MACROH2A2: variants seen among roughly 807,000 people sequenced by gnomAD.
The protein encoded by MACROH2A2 is core histone macro-H2A.2.
A neutral mutation model predicts 37.6 loss-of-function variants in MACROH2A2; 6 were observed. That is an observed-to-expected ratio of 0.16 (90% CI 0.09 to 0.32). MACROH2A2 has a LOEUF of 0.32. MACROH2A2 is among the 10% of genes least tolerant of loss of function. The pLI, the probability that MACROH2A2 is intolerant of heterozygous loss-of-function variation, is 1.00. For synonymous variants in MACROH2A2, 192 were observed against 202.7 expected (o/e 0.95, Z 0.45); for missense variants, 290 against 485.9 (o/e 0.60, Z 3.79).
intron 1 of MACROH2A2, among the ~76,000 whole-genome samples, chr10:70,056,239 G>GT (rs1036766265): frequency 2.4e-4 from 36 of 151,954 alleles, no homozygotes; most frequent in Middle Eastern, 6.8e-3. Flanking sequence ...TCTGTAATTT[G>GT]TTTTTTTTGT....
At chr10:70,068,284 A>G (rs2072090188) in intron 1 of MACROH2A2, among the ~76,000 whole-genome samples, 1 of 152,094 alleles carries the variant, frequency 6.6e-6, no homozygotes, top group Non-Finnish European at 1.5e-5. Flanking sequence ...ACTTTCTCAG[A>G]GTTCTTAATG....
At chr10:70,062,837 C>G (rs757243780) in intron 1 of MACROH2A2, among the ~76,000 whole-genome samples, 1 of 152,038 alleles carries the variant, frequency 6.6e-6, no homozygotes, top group Non-Finnish European at 1.5e-5. Context: ...TGTAAGGGTA[C>G]AAAGGCATCA....
intron 2 of MACROH2A2, among the ~76,000 whole-genome samples, chr10:70,086,206 C>G (rs1216275005): frequency 6.6e-6 from 1 of 150,942 alleles, no homozygotes; most frequent in Non-Finnish European, 1.5e-5. Flanking sequence ...AAGTCCATGT[C>G]TCAAGGATGT....
intron 2 of MACROH2A2, among the ~76,000 whole-genome samples, chr10:70,082,287 T>C (rs914080266): frequency 9.9e-5 from 15 of 151,826 alleles, no homozygotes; most frequent in Non-Finnish European, 8.8e-5. Flanking sequence ...GGTGTGGTGG[T>C]GCATGCCTGT....
At chr10:70,109,262 T>G in intron 8 of MACROH2A2, 55 bp downstream of exon 8, 1 of 1,464,042 alleles carries the variant, frequency 6.8e-7, no homozygotes, top group Non-Finnish European at 9.5e-7. Context: ...GGAAATCAGC[T>G]GCTCCCCCAC....
chr10:70,111,077 T>C (rs1355400546), intron 8 of MACROH2A2, among the ~76,000 whole-genome samples: 1 of 152,124 alleles, frequency 6.6e-6, no homozygotes, highest in East Asian at 1.9e-4. Context: ...AAGACCAGCC[T>C]AGCCAACATG....
chr10:70,111,823 G>A lies in MACROH2A2; in HGVS notation c.*140G>A, dbSNP rs931030747. The A allele has an allele frequency of 3.5e-5, 21 of 591,808 alleles. No homozygotes were observed. Among genetic ancestry groups the A allele is most frequent in the Non-Finnish European group, 5.2e-5 (19 of 365,260 alleles). The allele number at this position is 591,808 out of a possible 1,614,324, so 36.7% of individuals were successfully genotyped here. ...GTCCTGCCGGCGCAGGGAGCCCTCT[G>A]CCCTTCACACTCTCCTCCAAAAGAG... On this transcript the variant is annotated 3_prime_UTR_variant, in exon 9 of 9. Coordinates refer to ENST00000373255, the MANE Select transcript of MACROH2A2 (RefSeq NM_018649.3).
intron 2 of MACROH2A2, among the ~76,000 whole-genome samples, chr10:70,085,279 AGGTGAGGCTATCTG>A (rs2072204502): frequency 6.6e-6 from 1 of 152,186 alleles, no homozygotes; most frequent in African/African-American, 2.4e-5. Flanking sequence ...TGAAGCCCCC[AGGTGAGGCTATCTG>A]GGTGATATCA....
chr10:70,107,358 C>T lies in MACROH2A2; in HGVS notation c.779-1675C>T, dbSNP rs1449116344. On this transcript the variant is annotated intron_variant, in intron 7 of 8. Coordinates refer to ENST00000373255, the MANE Select transcript of MACROH2A2 (RefSeq NM_018649.3). This position sits in a 1 kb window ranked among gnomAD's most constrained non-coding sequence, Gnocchi z 4.4. ...CATCATAGATTTCCAGTCAGTCTTTCACCTCAACCCCACACACAGCTCTGG... is the reference window on the plus strand; with the variant it reads ...CATCATAGATTTCCAGTCAGTCTTTTACCTCAACCCCACACACAGCTCTGG... Among the ~76,000 whole-genome samples, 1 of 152,228 alleles carries T rather than the reference C, an allele frequency of 6.6e-6. No homozygotes were observed. The highest frequency in any genetic ancestry group is 1.5e-5 in the Non-Finnish European group (1 of 68,036).
rs147658294 is a variant in MACROH2A2, at chr10:70,101,786, A to G, written c.778+1489A>G. 7.2e-5 allele frequency among the ~76,000 whole-genome samples: 11 copies of G among 151,754 alleles called. No homozygotes were observed. The East Asian group carries it at 1.4e-3, about 19-fold the overall frequency. On this transcript the variant is annotated intron_variant, in intron 7 of 8. Transcript: ENST00000373255. ...TTCTGTCTGGCTTCTCTCACTTAAC[A>G]TTTTTTTCAAAGTTCATCCATACTG...
chr10:70,090,559 A>G (rs1169763776), intron 3 of MACROH2A2, among the ~76,000 whole-genome samples: 1 of 152,206 alleles, frequency 6.6e-6, no homozygotes, highest in Non-Finnish European at 1.5e-5. Context: ...ACTGACTCCA[A>G]AGTCAAGCGA....
chr10:70,077,537 C>A (rs1415608813), intron 2 of MACROH2A2, among the ~76,000 whole-genome samples: 2 of 151,960 alleles, frequency 1.3e-5, no homozygotes, highest in African/African-American at 4.8e-5. Context: ...GCTGAGATCA[C>A]ACCACTGCAC....
chr10:70,105,379 A>G (rs538771052), intron 7 of MACROH2A2, among the ~76,000 whole-genome samples: 1 of 152,336 alleles, frequency 6.6e-6, no homozygotes, highest in South Asian at 2.1e-4. Flanking sequence ...TGGCTGCTGA[A>G]TTGCATGGCA....
intron 2 of MACROH2A2, among the ~76,000 whole-genome samples, chr10:70,078,606 A>G (rs377303544): frequency 2.3e-4 from 35 of 152,348 alleles, no homozygotes; most frequent in African/African-American, 7.9e-4. Flanking sequence ...TCAATGAGCT[A>G]ATATGTGTAA....
chr10:70,067,998 A>G (rs1165626245), intron 1 of MACROH2A2, among the ~76,000 whole-genome samples: 1 of 152,206 alleles, frequency 6.6e-6, no homozygotes, highest in African/African-American at 2.4e-5. Flanking sequence ...TTTTGGAGGT[A>G]GCCACCAGAA....
rs146876074 is a variant in MACROH2A2, at chr10:70,102,163, C to T, written c.778+1866C>T. 1.3e-3 allele frequency among the ~76,000 whole-genome samples: 199 copies of T among 152,308 alleles called. No individual in the cohort carries two copies. In the East Asian group the frequency reaches 0.015, roughly 11 times the overall value. ...CACAGAGCAGGAGCCACGACCTCAG[C>T]GTAGGGGAGCGTGGGAGGACTGCAG... On this transcript the variant is annotated intron_variant, in intron 7 of 8. Transcript: ENST00000373255.
chr10:70,100,338 C>T (rs371456351), intron 7 of MACROH2A2, 41 bp downstream of exon 7: 8 of 1,117,628 alleles, frequency 7.2e-6, no homozygotes, highest in Non-Finnish European at 9.5e-6. Flanking sequence ...CATGGCCTCA[C>T]CCTCCTCTCT....
At position 70,091,739 on chromosome 10, in the gene MACROH2A2, A is replaced by G. The variant is rs1331205259; in HGVS notation, c.280-18A>G. 8.2e-6 allele frequency: 13 copies of G among 1,588,010 alleles called. No individual in the cohort carries two copies. Among genetic ancestry groups the G allele is most frequent in the Admixed American group, 1.7e-5 (1 of 59,926 alleles). On this transcript the variant is annotated intron_variant, in intron 3 of 8. Coordinates refer to ENST00000373255, the MANE Select transcript of MACROH2A2 (RefSeq NM_018649.3). The stretch of plus-strand genomic sequence containing the variant: ...AGCAGGCTGTTTGCTACATGAGCGC[A>G]TGCATTTCTCTCTTCAGCTGCTAAA...
intron 1 of MACROH2A2, among the ~76,000 whole-genome samples, chr10:70,063,153 A>T (rs946532748): frequency 6.6e-6 from 1 of 152,208 alleles, no homozygotes; most frequent in Admixed American, 6.5e-5. Context: ...GGCTCAACGT[A>T]TATCAGCTCC....
Sources: gnomAD v4.1 joint callset for allele counts (sites outside exome capture counted in the v4.1 genomes callset) on GRCh38, gnomAD v4.1.1 for gene constraint, Gnocchi (gnomAD v3.1) non-coding constraint, MANE v1.5 for transcripts, NCBI Gene and HGNC (gene_info 2026-07-23, HGNC 2026-07-21) for gene names.